Variants in GRIN3A observed in about 807,000 individuals in gnomAD.
GRIN3A encodes glutamate receptor ionotropic, NMDA 3A.
A neutral mutation model predicts 92.4 loss-of-function variants in GRIN3A; 47 were observed. That is an observed-to-expected ratio of 0.51 (90% confidence interval 0.40 to 0.65). The LOEUF is 0.65. GRIN3A is among the 30% of genes least tolerant of loss of function. GRIN3A has a pLI of 0.00. For missense variants in GRIN3A, 1,324 were observed against 1,393.1 expected, an observed-to-expected ratio of 0.95 and a Z score of 0.79; for synonymous variants, 527 against 540.6, an observed-to-expected ratio of 0.97 and a Z score of 0.35.
At chr9:101,711,300 T>A (rs192829424) in intron 1 of GRIN3A, among the ~76,000 whole-genome samples, 28 of 152,294 alleles carry the variant, frequency 1.8e-4, no homozygotes, top group African/African-American at 6.5e-4. Flanking sequence ...GGGTAGTGCA[T>A]ACAGCCCGGA....
At chr9:101,606,967 G>GCCATGT (rs11281874) in intron 6 of GRIN3A, among the ~76,000 whole-genome samples, 1 of 136,150 alleles carries the variant, frequency 7.3e-6, no homozygotes, top group African/African-American at 2.7e-5. Context: ...TTTATACCCT[G>GCCATGT]TTTCCCTAAT....
At chr9:101,708,840 T>C (rs1829841160) in intron 1 of GRIN3A, among the ~76,000 whole-genome samples, 1 of 152,246 alleles carries the variant, frequency 6.6e-6, no homozygotes, top group African/African-American at 2.4e-5. Context: ...CTTTGCAGAC[T>C]GTCACATAAA....
At chr9:101,580,762 G>A (rs1480923357) in intron 6 of GRIN3A, among the ~76,000 whole-genome samples, 16 of 152,212 alleles carry the variant, frequency 1.1e-4, no homozygotes, top group Non-Finnish European at 2.2e-4. Context: ...ACTAAGGAAA[G>A]TGGAGTTACT....
intron 5 of GRIN3A, among the ~76,000 whole-genome samples, chr9:101,623,017 C>CACACAG (rs1176522369): frequency 6.6e-6 from 1 of 151,714 alleles, no homozygotes; most frequent in South Asian, 2.1e-4. Context: ...CACACACACA[C>CACACAG]ACACAATACA....
intron 4 of GRIN3A, among the ~76,000 whole-genome samples, chr9:101,625,662 C>T (rs1237465677): frequency 6.6e-6 from 1 of 152,176 alleles, no homozygotes; most frequent in Non-Finnish European, 1.5e-5. Context: ...CCCAGCTCTA[C>T]AGTAATGGGA....
chr9:101,737,029 T>C (rs1157288436), intron 1 of GRIN3A, among the ~76,000 whole-genome samples: 1 of 152,076 alleles, frequency 6.6e-6, no homozygotes, highest in Admixed American at 6.5e-5. Flanking sequence ...TCTCATATTC[T>C]CCCCACTTCT....
intron 4 of GRIN3A, among the ~76,000 whole-genome samples, chr9:101,627,368 C>G (rs1828647831): frequency 6.6e-6 from 1 of 151,936 alleles, no homozygotes; most frequent in Non-Finnish European, 1.5e-5. Context: ...AAGACAAAAC[C>G]CTTATGTTCC....
At chr9:101,618,793 T>C (rs1319148376) in intron 5 of GRIN3A, among the ~76,000 whole-genome samples, 4 of 152,210 alleles carry the variant, frequency 2.6e-5, no homozygotes, top group Non-Finnish European at 5.9e-5. Flanking sequence ...TATAGTTGCT[T>C]TTCAAATTTG....
intron 3 of GRIN3A, among the ~76,000 whole-genome samples, chr9:101,663,225 C>A (rs192290740): frequency 2.6e-5 from 4 of 152,050 alleles, no homozygotes; most frequent in Non-Finnish European, 4.4e-5. Flanking sequence ...TTTCCCCATT[C>A]AGATCAGGTC....
At chr9:101,634,974 A>C (rs995918397) in intron 3 of GRIN3A, among the ~76,000 whole-genome samples, 1 of 152,222 alleles carries the variant, frequency 6.6e-6, no homozygotes, top group African/African-American at 2.4e-5. Context: ...AATGTTGCTG[A>C]GGTCCACCCT....
chr9:101,648,318 A>G, intron 3 of GRIN3A, among the ~76,000 whole-genome samples: 1 of 152,032 alleles, frequency 6.6e-6, no homozygotes, highest in Non-Finnish European at 1.5e-5. Flanking sequence ...CATCATGGTA[A>G]GAAAAGATAC....
At chr9:101,630,896 T>C (rs978249388) in intron 3 of GRIN3A, among the ~76,000 whole-genome samples, 4 of 152,196 alleles carry the variant, frequency 2.6e-5, no homozygotes, top group African/African-American at 9.7e-5. Flanking sequence ...TTGCAGGTAG[T>C]CTATATCTGT....
At chr9:101,701,700 G>A (rs929741743) in intron 1 of GRIN3A, among the ~76,000 whole-genome samples, 1 of 152,150 alleles carries the variant, frequency 6.6e-6, no homozygotes, top group Non-Finnish European at 1.5e-5. Context: ...TTGACAAATG[G>A]GACCTAATTA....
intron 6 of GRIN3A, among the ~76,000 whole-genome samples, chr9:101,604,086 T>G (rs1245107518): frequency 6.6e-6 from 1 of 152,130 alleles, no homozygotes; most frequent in Non-Finnish European, 1.5e-5. Flanking sequence ...CTGCATTGGC[T>G]GCACCCAGCA....
chr9:101,693,244 A>AAT (rs3082770), intron 1 of GRIN3A, among the ~76,000 whole-genome samples: 3,198 of 128,272 alleles, frequency 0.025, 99 homozygotes, highest in African/African-American at 0.093. Flanking sequence ...TCTCAGCTAA[A>AAT]ATATATATAT....
At chr9:101,595,007 G>T (rs1828100039) in intron 6 of GRIN3A, 3 of 1,489,804 alleles carry the variant, frequency 2.0e-6, no homozygotes, top group Non-Finnish European at 1.8e-6. Context: ...TGCCCGGACG[G>T]TTGGGCCATG....
chr9:101,616,904 A>G (rs1251887125), intron 5 of GRIN3A, among the ~76,000 whole-genome samples: 2 of 150,918 alleles, frequency 1.3e-5, no homozygotes, highest in African/African-American at 4.9e-5. Flanking sequence ...AAAAAAAAAA[A>G]AAAAGGAACA....
At chr9:101,639,497 A>C (rs1480084683) in intron 3 of GRIN3A, among the ~76,000 whole-genome samples, 1 of 152,150 alleles carries the variant, frequency 6.6e-6, no homozygotes, top group Admixed American at 6.5e-5. Flanking sequence ...ATTGCCCATC[A>C]CCAGCTGTGT....
At chr9:101,695,286 T>A (rs916391443) in intron 1 of GRIN3A, among the ~76,000 whole-genome samples, 1 of 152,166 alleles carries the variant, frequency 6.6e-6, no homozygotes, top group South Asian at 2.1e-4. Flanking sequence ...GGCTACTGAT[T>A]GCTGAGACTA....
Sources: allele counts gnomAD v4.1 joint callset (sites outside exome capture counted in the v4.1 genomes callset), GRCh38; gene constraint gnomAD v4.1.1; transcripts MANE v1.5; gene names NCBI Gene and HGNC (gene_info 2026-07-23, HGNC 2026-07-21).